Variants in DLG1 observed in about 807,000 individuals in gnomAD.
DLG1 encodes disks large homolog 1.
A neutral mutation model predicts 123.4 loss-of-function variants in DLG1; 42 were observed. That is an observed-to-expected ratio of 0.34 (90% CI 0.27 to 0.44). The LOEUF is 0.44. DLG1 is among the 20% of genes least tolerant of loss of function. The pLI is 1.00. For missense variants in DLG1, 942 were observed against 1,082.6 expected, an observed-to-expected ratio of 0.87 and a Z score of 1.82; for synonymous variants, 317 against 356.2, an observed-to-expected ratio of 0.89 and a Z score of 1.24.
Position 197,246,730 on chromosome 3 carries a change from A to G in DLG1, c.318+35949T>C, listed in dbSNP as rs959029702. On this transcript the variant is annotated intron_variant, in intron 4 of 24. Coordinates refer to ENST00000667157, the MANE Select transcript of DLG1 (RefSeq NM_001366207.1). The stretch of plus-strand genomic sequence containing the variant: ...GATTTTTCTAGGGATGGCAGCGCTA[A>G]GACAGGAATAGCGATGGGTAGGTGT... 7.6e-4 allele frequency among the ~76,000 whole-genome samples: 116 copies of G among 152,194 alleles called. 2 individuals carry two copies. The highest frequency in any genetic ancestry group is 1.2e-4 in the Non-Finnish European group (8 of 68,034).
intron 13 of DLG1, among the ~76,000 whole-genome samples, chr3:197,115,409 T>C (rs1772674918): frequency 6.6e-6 from 1 of 151,148 alleles, no homozygotes; most frequent in Admixed American, 6.6e-5. Flanking sequence ...GCAGACAATA[T>C]AGATTCTAGG....
chr3:197,207,744 C>CTG (rs1729349818), intron 4 of DLG1, among the ~76,000 whole-genome samples: 1 of 115,824 alleles, frequency 8.6e-6, no homozygotes, highest in Non-Finnish European at 2.1e-5. Flanking sequence ...AAGTTTATAT[C>CTG]TTCAACCAAT....
chr3:197,294,251 A>C (rs1579554327), intron 3 of DLG1, among the ~76,000 whole-genome samples: 1 of 152,196 alleles, frequency 6.6e-6, no homozygotes, highest in Non-Finnish European at 1.5e-5. Flanking sequence ...GTGATATAGT[A>C]CCACATCCTA....
intron 4 of DLG1, among the ~76,000 whole-genome samples, chr3:197,260,750 CAAAAAAAAAAAA>C (rs570596943): frequency 4.9e-4 from 9 of 18,316 alleles, no homozygotes; most frequent in Admixed American, 1.1e-3. Flanking sequence ...TGACAACCAC[CAAAAAAAAAAAA>C]AAAAAAAAAA....
chr3:197,200,930 CG>C (rs1376734522), intron 4 of DLG1, among the ~76,000 whole-genome samples: 2 of 152,078 alleles, frequency 1.3e-5, no homozygotes, highest in Admixed American at 1.3e-4. Flanking sequence ...GGAACAATAC[CG>C]GAATACCCAC....
intron 5 of DLG1, among the ~76,000 whole-genome samples, chr3:197,193,157 A>C (rs936645891): frequency 1.3e-5 from 2 of 152,130 alleles, no homozygotes; most frequent in East Asian, 1.9e-4. Flanking sequence ...CAACCAACAA[A>C]GGATTAATAT....
chr3:197,253,255 G>A (rs1421693293), intron 4 of DLG1, among the ~76,000 whole-genome samples: 1 of 152,110 alleles, frequency 6.6e-6, no homozygotes, highest in Non-Finnish European at 1.5e-5. Flanking sequence ...TCGAATATGG[G>A]CAAAAGACCA....
At chr3:197,164,921 C>CAAAA (rs11406646) in intron 5 of DLG1, among the ~76,000 whole-genome samples, 1 of 138,434 alleles carries the variant, frequency 7.2e-6, no homozygotes, top group African/African-American at 2.7e-5. Context: ...AAGACTATCT[C>CAAAA]AAAAAAAGAA....
intron 6 of DLG1, 53 bp from the exon 7 acceptor site, chr3:197,142,821 T>C (rs1788716579): frequency 5.5e-6 from 8 of 1,465,956 alleles, no homozygotes; most frequent in Non-Finnish European, 3.7e-6. Context: ...AAATCCAAAA[T>C]GGCAAGGCAA....
At chr3:197,284,080 C>T (rs903496267) in intron 3 of DLG1, among the ~76,000 whole-genome samples, 14 of 151,902 alleles carry the variant, frequency 9.2e-5, no homozygotes, top group Admixed American at 5.9e-4. Flanking sequence ...AGGCAGGTCT[C>T]GAACTCCTGA....
intron 5 of DLG1, among the ~76,000 whole-genome samples, chr3:197,155,394 G>C (rs1298397213): frequency 6.6e-6 from 1 of 152,166 alleles, no homozygotes; most frequent in African/African-American, 2.4e-5. Context: ...CAAAAGCTGA[G>C]GGAGTTTGTT....
chr3:197,256,934 C>T (rs912280455), intron 4 of DLG1, among the ~76,000 whole-genome samples: 1 of 151,900 alleles, frequency 6.6e-6, no homozygotes, highest in African/African-American at 2.4e-5. Flanking sequence ...AAACGTTTAA[C>T]ATAATTATAC....
intron 14 of DLG1, among the ~76,000 whole-genome samples, chr3:197,100,619 A>C (rs1762943744): frequency 6.6e-6 from 1 of 152,192 alleles, no homozygotes; most frequent in South Asian, 2.1e-4. Context: ...ATAAGATTAA[A>C]TATTTGAGGT....
At chr3:197,179,524 G>C (rs918069024) in intron 5 of DLG1, among the ~76,000 whole-genome samples, 1 of 152,162 alleles carries the variant, frequency 6.6e-6, no homozygotes, top group Admixed American at 6.6e-5. Context: ...ATGTTTGAAT[G>C]TACTGCGCTA....
At chr3:197,185,698 T>C (rs1481912418) in intron 5 of DLG1, among the ~76,000 whole-genome samples, 2 of 152,192 alleles carry the variant, frequency 1.3e-5, no homozygotes, top group South Asian at 4.1e-4. Flanking sequence ...CCCTAAAATA[T>C]GTGCCTTGAT....
Position 197,176,232 on chromosome 3 carries a change from C to T in DLG1, c.483+18193G>A, listed in dbSNP as rs1469784046. Reference sequence around the variant, plus strand: ...TAGAGCAGTTTTAGTTCCCATATGCCCCCTGCTCACACACATAAACTATCC... The same window carrying T: ...TAGAGCAGTTTTAGTTCCCATATGCTCCCTGCTCACACACATAAACTATCC... On this transcript the variant is annotated intron_variant, in intron 5 of 24. Transcript: ENST00000667157. Among the ~76,000 whole-genome samples the T allele has an allele frequency of 8.6e-5, 13 of 151,868 alleles. No individual in the cohort carries two copies. In the East Asian group the frequency reaches 2.3e-3, roughly 27 times the overall value.
intron 23 of DLG1, among the ~76,000 whole-genome samples, chr3:197,057,401 G>C (rs1216366282): frequency 6.6e-6 from 1 of 152,186 alleles, no homozygotes; most frequent in African/African-American, 2.4e-5. Flanking sequence ...TATTTGAACA[G>C]TACTGTCATC....
intron 1 of DLG1, chr3:197,297,794 C>A: frequency 1.0e-6 from 1 of 985,544 alleles, no homozygotes; most frequent in Non-Finnish European, 1.2e-6. Flanking sequence ...CCTGCGGCGC[C>A]GCCACAAAGT....
intron 22 of DLG1, among the ~76,000 whole-genome samples, chr3:197,064,331 T>C (rs780618912): frequency 3.8e-4 from 58 of 152,046 alleles, no homozygotes; most frequent in Non-Finnish European, 6.8e-4. Flanking sequence ...GAAGCTGGGA[T>C]TAAGGCATGC....
Sources: gnomAD v4.1 joint callset for allele counts (sites outside exome capture counted in the v4.1 genomes callset) on GRCh38, gnomAD v4.1.1 for gene constraint, MANE v1.5 for transcripts, NCBI Gene and HGNC (gene_info 2026-07-23, HGNC 2026-07-21) for gene names.